Variants in CSMD1 observed in about 807,000 individuals in gnomAD.
The protein encoded by CSMD1 is CUB and Sushi multiple domains 1.
A neutral mutation model predicts 417.5 loss-of-function variants in CSMD1; 213 were observed. The ratio of observed to expected loss-of-function variants is 0.51; its 90% CI spans 0.46 to 0.57. The LOEUF (loss-of-function observed/expected upper bound fraction) is 0.57. Ranked by LOEUF, CSMD1 falls within the 20% of genes least tolerant of loss-of-function variation. The pLI, the probability that CSMD1 is intolerant of heterozygous loss-of-function variation, is 0.00. For missense variants in CSMD1, 6,923 were observed against 4,529.7 expected (o/e 1.53, Z -15.17); for synonymous variants, 2,862 against 1,736.8 (o/e 1.65, Z -16.11).
chr8:4,940,483 C>T (rs1208582930), intron 1 of CSMD1, among the ~76,000 whole-genome samples: 1 of 152,156 alleles, frequency 6.6e-6, no homozygotes, highest in Non-Finnish European at 1.5e-5. Context: ...TGGTCTGTGT[C>T]CCCACTTTGT....
rs140094306 is a variant in CSMD1 at position 3,629,239 on chromosome 8, G to A, written c.1010-12442C>T. ...CAAGAAAATCCAGGTCAGTTACTGAGGCAAAGGTCAAACCATGAAGACCCT... is the reference window on the plus strand; with the variant it reads ...CAAGAAAATCCAGGTCAGTTACTGAAGCAAAGGTCAAACCATGAAGACCCT... On this transcript the variant is annotated intron_variant, in intron 7 of 69. Transcript: ENST00000635120. Among the ~76,000 whole-genome samples, 495 of 152,236 alleles carry A rather than the reference G, an allele frequency of 3.3e-3. 5 individuals are homozygous for A. The highest frequency in any genetic ancestry group is 0.011 in the African/African-American group (476 of 41,540).
intron 3 of CSMD1, among the ~76,000 whole-genome samples, chr8:4,370,155 T>C (rs944468576): frequency 1.3e-5 from 2 of 152,302 alleles, no homozygotes; most frequent in South Asian, 4.1e-4. Flanking sequence ...CAAATTACCT[T>C]AGCTTTGGCT....
chr8:3,236,122 G>C (rs947291760), intron 26 of CSMD1, among the ~76,000 whole-genome samples: 7 of 151,874 alleles, frequency 4.6e-5, no homozygotes, highest in Non-Finnish European at 1.0e-4. Flanking sequence ...GTTTCACCAT[G>C]TTAGCCAGGA....
chr8:4,297,826 C>G (rs968817686), intron 3 of CSMD1, among the ~76,000 whole-genome samples: 1 of 152,096 alleles, frequency 6.6e-6, no homozygotes, highest in African/African-American at 2.4e-5. Context: ...AATTTGATTT[C>G]TGAATATGCC....
intron 9 of CSMD1, among the ~76,000 whole-genome samples, chr8:3,582,430 T>A (rs974547375): frequency 1.7e-4 from 26 of 152,282 alleles, no homozygotes; most frequent in African/African-American, 6.3e-4. Context: ...CGTATTTTAA[T>A]TGAAGAAAGA....
chr8:4,160,561 A>G (rs1342301392), intron 3 of CSMD1, among the ~76,000 whole-genome samples: 1 of 152,206 alleles, frequency 6.6e-6, no homozygotes, highest in Non-Finnish European at 1.5e-5. Flanking sequence ...TTAAATATCC[A>G]CGTTTCTCAT....
intron 1 of CSMD1, among the ~76,000 whole-genome samples, chr8:4,822,749 A>G (rs1799591872): frequency 6.6e-6 from 1 of 152,126 alleles, no homozygotes; most frequent in Non-Finnish European, 1.5e-5. Flanking sequence ...ATTTTTATAT[A>G]TAATACTGTT....
At chr8:4,503,767 T>C (rs1223193201) in intron 2 of CSMD1, among the ~76,000 whole-genome samples, 1 of 152,014 alleles carries the variant, frequency 6.6e-6, no homozygotes, top group Non-Finnish European at 1.5e-5. Context: ...GTCCTATGTC[T>C]CGGGAACTAT....
At chr8:4,506,232 C>T (rs1302002328) in intron 2 of CSMD1, among the ~76,000 whole-genome samples, 1 of 152,054 alleles carries the variant, frequency 6.6e-6, no homozygotes, top group African/African-American at 2.4e-5. Flanking sequence ...ATAGAAATTA[C>T]AGCTATTGGA....
At chr8:4,745,765 G>T (rs922120562) in intron 1 of CSMD1, among the ~76,000 whole-genome samples, 7 of 152,086 alleles carry the variant, frequency 4.6e-5, no homozygotes, top group Non-Finnish European at 2.9e-5. Flanking sequence ...AAATCTATAG[G>T]AACACGCATT....
chr8:4,661,778 A>G lies in CSMD1; in HGVS notation c.86-24220T>C, dbSNP rs372753730. Among the ~76,000 whole-genome samples, 5 of 152,352 alleles carry G rather than the reference A, an allele frequency of 3.3e-5. No homozygotes were observed. In the East Asian group the frequency reaches 5.8e-4, roughly 18 times the overall value. ...TGTTTTTATAAGACCATTAAATCGT[A>G]ATAATCCTATATCCAAAAAACGGTT... On this transcript the variant is annotated intron_variant, in intron 1 of 69. Transcript: ENST00000635120.
intron 10 of CSMD1, among the ~76,000 whole-genome samples, chr8:3,516,731 C>T (rs558619402): frequency 2.6e-4 from 40 of 152,164 alleles, no homozygotes; most frequent in Non-Finnish European, 4.3e-4. Context: ...TATTTTGGGG[C>T]ATGCCTCACC....
chr8:3,851,204 A>G (rs966787875), intron 5 of CSMD1, among the ~76,000 whole-genome samples: 1 of 152,252 alleles, frequency 6.6e-6, no homozygotes, highest in Non-Finnish European at 1.5e-5. Context: ...CCTGCTCATT[A>G]TGCTAGAAGG....
At chr8:4,295,185 A>T (rs1797595288) in intron 3 of CSMD1, among the ~76,000 whole-genome samples, 2 of 141,234 alleles carry the variant, frequency 1.4e-5, no homozygotes, top group Admixed American at 1.4e-4. Context: ...TATAATCTTA[A>T]GATTATGCAC....
At chr8:3,448,469 G>A (rs1241348404) in intron 12 of CSMD1, among the ~76,000 whole-genome samples, 1 of 142,878 alleles carries the variant, frequency 7.0e-6, no homozygotes, top group East Asian at 2.4e-4. Flanking sequence ...AAGAAGAGAT[G>A]TTCTTGCTGT....
At chr8:3,873,351 T>C (rs1190265585) in intron 5 of CSMD1, among the ~76,000 whole-genome samples, 1 of 151,856 alleles carries the variant, frequency 6.6e-6, no homozygotes, top group Non-Finnish European at 1.5e-5. Context: ...GATATGTATA[T>C]ACCATATAAT....
At chr8:3,731,269 C>T (rs907867740) in intron 6 of CSMD1, among the ~76,000 whole-genome samples, 2 of 152,204 alleles carry the variant, frequency 1.3e-5, no homozygotes, top group African/African-American at 4.8e-5. Flanking sequence ...CATTGACCAG[C>T]ATTTATGGAG....
intron 3 of CSMD1, among the ~76,000 whole-genome samples, chr8:4,178,023 C>G (rs1219842295): frequency 1.3e-5 from 2 of 152,142 alleles, no homozygotes; most frequent in Admixed American, 6.6e-5. Flanking sequence ...TAGTACCATT[C>G]CTTCTGAAAC....
In CSMD1 at chr8:3,088,326, T is replaced by G. The variant is rs562074167; in HGVS notation, c.7286-1041A>C. ...CAAAATCCTAGGAACTCACTTCAGA[T>G]GAATTTAAACAATACAACAGAGAAG... On this transcript the variant is annotated intron_variant, in intron 48 of 69. Coordinates refer to ENST00000635120, the MANE Select transcript of CSMD1 (RefSeq NM_033225.6). Among the ~76,000 whole-genome samples the G allele has an allele frequency of 5.2e-4, 79 of 152,348 alleles. 2 individuals carry two copies. The highest frequency in any genetic ancestry group is 2.9e-5 in the Non-Finnish European group (2 of 68,038).
Sources: allele counts gnomAD v4.1 joint callset (sites outside exome capture counted in the v4.1 genomes callset), GRCh38; gene constraint gnomAD v4.1.1; transcripts MANE v1.5; gene names NCBI Gene and HGNC (gene_info 2026-07-23, HGNC 2026-07-21).